MEGF9: variants seen among roughly 807,000 people sequenced by gnomAD.
MEGF9 encodes the protein multiple EGF like domains 9.
In MEGF9, 6 loss-of-function variants were observed where a neutral mutation model predicts 46.8. The ratio of observed to expected loss-of-function variants is 0.13; its 90% CI spans 0.07 to 0.25. The LOEUF (loss-of-function observed/expected upper bound fraction) is 0.25, where lower values mean the gene tolerates loss of function less well. Ranked by LOEUF, MEGF9 falls within the 10% of genes least tolerant of loss-of-function variation. MEGF9 has a pLI of 1.00. For missense variants in MEGF9, 683 were observed against 792.4 expected, an observed-to-expected ratio of 0.86 and a Z score of 1.66; for synonymous variants, 302 against 330.7, an observed-to-expected ratio of 0.91 and a Z score of 0.94.
In MEGF9 at chr9:120,612,493, T is replaced by G; in HGVS notation, c.990A>C (p.Glu330Asp). The G allele has an allele frequency of 1.2e-6, 2 of 1,612,444 alleles. No homozygotes were observed. The change falls in exon 4 of 6, where the codon GAA (glutamate) becomes GAC (aspartate). Residue 330 changes from glutamate (E) to aspartate (D), a missense_variant. Around this residue, in one of 2 missense-constraint regions of MEGF9, gnomAD observed 313 missense variants for 421.1 expected, o/e 0.74. Coordinates refer to ENST00000373930, the MANE Select transcript of MEGF9 (RefSeq NM_001080497.3). ...CQENSKGNHC[E>D]ECKEGFYQSP... ...TCTGATAAAATCCTTCTTTACATTC[T>G]TCACAGTGATTTCCTTTGCTATTTT...
At chr9:120,703,519 G>A (rs1414787222) in intron 1 of MEGF9, among the ~76,000 whole-genome samples, 2 of 152,212 alleles carry the variant, frequency 1.3e-5, no homozygotes, top group African/African-American at 2.4e-5. Flanking sequence ...AATCCTTATA[G>A]GTAATCAGGC....
chr9:120,714,125 C>T lies in MEGF9; in HGVS notation c.234G>A (p.Pro78=), dbSNP rs1426062058. The part of the protein sequence containing the change: ...PRATAPTAQA[P]RTGPPRATVH... ...CGGTGGCGCGCGGGGGCCCGGTCCTCGGGGCCTGGGCCGTGGGAGCCGTCG... is the reference window on the plus strand; with the variant it reads ...CGGTGGCGCGCGGGGGCCCGGTCCTTGGGGCCTGGGCCGTGGGAGCCGTCG... The change falls in exon 1 of 6, where the codon CCG becomes CCA. Residue 78 remains proline, a synonymous_variant. Transcript: ENST00000373930. 2 of 1,241,162 alleles carry T rather than the reference C, an allele frequency of 1.6e-6. No homozygotes were observed. The highest frequency in any genetic ancestry group is 3.1e-5 in the East Asian group (1 of 31,822). The allele number at this position is 1,241,162 out of a possible 1,614,324, so 76.9% of individuals were successfully genotyped here.
At chr9:120,647,576 A>C (rs2043631271) in intron 2 of MEGF9, among the ~76,000 whole-genome samples, 1 of 152,206 alleles carries the variant, frequency 6.6e-6, no homozygotes, top group Non-Finnish European at 1.5e-5. Flanking sequence ...AAGGCAATTT[A>C]AACTAGAGAT....
intron 1 of MEGF9, among the ~76,000 whole-genome samples, chr9:120,712,795 C>T (rs2043959636): frequency 6.6e-6 from 1 of 152,208 alleles, no homozygotes; most frequent in African/African-American, 2.4e-5. Flanking sequence ...CAAAGCAAGA[C>T]AATTCAGAAA....
chr9:120,668,225 C>A (rs1260297527), intron 1 of MEGF9, among the ~76,000 whole-genome samples: 1 of 152,114 alleles, frequency 6.6e-6, no homozygotes. Context: ...TTTTGAGAGT[C>A]TTACTCTAGA....
chr9:120,636,763 C>A (rs2043577639), intron 2 of MEGF9, among the ~76,000 whole-genome samples: 1 of 151,880 alleles, frequency 6.6e-6, no homozygotes, highest in African/African-American at 2.4e-5. Flanking sequence ...CCGGCCGCCC[C>A]ATCTGAGAAG....
At chr9:120,655,921 C>G (rs1342263802) in intron 2 of MEGF9, among the ~76,000 whole-genome samples, 1 of 152,194 alleles carries the variant, frequency 6.6e-6, no homozygotes, top group Admixed American at 6.5e-5. Context: ...ACAGACTTCT[C>G]ACACATTATT....
In MEGF9 at chr9:120,714,458, G is replaced by A. The variant is rs560965673; in HGVS notation, c.-100C>T. The A allele has an allele frequency of 7.6e-6, 8 of 1,051,944 alleles. No individual in the cohort carries two copies. Among genetic ancestry groups the A allele is most frequent in the Non-Finnish European group, 9.6e-6 (8 of 829,248 alleles). 65.2% of individuals were successfully genotyped at this position (1,051,944 alleles called of 1,614,324 possible). On this transcript the variant is annotated 5_prime_UTR_variant, in exon 1 of 6. Coordinates refer to ENST00000373930, the MANE Select transcript of MEGF9 (RefSeq NM_001080497.3). ...CGCCACCGCCACCGGGCGCACCATCGCCACCTCCCTCTGACAGGCGGCCGG... is the reference window on the plus strand; with the variant it reads ...CGCCACCGCCACCGGGCGCACCATCACCACCTCCCTCTGACAGGCGGCCGG...
intron 3 of MEGF9, among the ~76,000 whole-genome samples, chr9:120,622,118 C>A (rs758392363): frequency 5.9e-5 from 9 of 152,164 alleles, no homozygotes; most frequent in Non-Finnish European, 4.4e-5. Context: ...ACCTTTCTGG[C>A]CCAGCCTTCC....
At chr9:120,686,680 T>C (rs961179023) in intron 1 of MEGF9, among the ~76,000 whole-genome samples, 3 of 152,240 alleles carry the variant, frequency 2.0e-5, no homozygotes, top group Admixed American at 6.5e-5. Context: ...TAACTGAAGC[T>C]AGGAGTAGTA....
intron 1 of MEGF9, among the ~76,000 whole-genome samples, chr9:120,663,532 C>A (rs1225125819): frequency 6.6e-6 from 1 of 152,076 alleles, no homozygotes; most frequent in African/African-American, 2.4e-5. Context: ...ATGAGAAGGA[C>A]CAAAGACAAG....
chr9:120,681,601 T>A (rs1188103430), intron 1 of MEGF9, among the ~76,000 whole-genome samples: 1 of 152,094 alleles, frequency 6.6e-6, no homozygotes, highest in Admixed American at 6.5e-5. Flanking sequence ...TTTGACTCTA[T>A]CAGGCCACTA....
intron 2 of MEGF9, among the ~76,000 whole-genome samples, chr9:120,636,484 T>C (rs918070752): frequency 6.6e-6 from 1 of 152,170 alleles, no homozygotes; most frequent in African/African-American, 2.4e-5. Context: ...AGAGTACTGC[T>C]TAAGTGCAAA....
chr9:120,637,715 C>T (rs2043584285), intron 2 of MEGF9, among the ~76,000 whole-genome samples: 1 of 127,518 alleles, frequency 7.8e-6, no homozygotes, highest in Admixed American at 1.0e-4. Context: ...TGCTTGAACC[C>T]GGGAGGCAGA....
rs2043418800 is a variant in MEGF9, at chr9:120,605,960, T to G, written c.1358-319A>C. ...CGGCCGAGGGTGGTGGATCACGAGG[T>G]CAGGAGTTCAAGACCAGCCTGGCCA... On this transcript the variant is annotated intron_variant, in intron 5 of 5. Coordinates refer to ENST00000373930, the MANE Select transcript of MEGF9 (RefSeq NM_001080497.3). This position sits in a 1 kb window ranked among gnomAD's most constrained non-coding sequence, Gnocchi z 4.0. Among the ~76,000 whole-genome samples the G allele has an allele frequency of 6.6e-6, 1 of 151,788 alleles. No individual in the cohort carries two copies. Among genetic ancestry groups the G allele is most frequent in the South Asian group, 2.1e-4 (1 of 4,796 alleles).
At chr9:120,632,768 TTCTG>T (rs1371772400) in intron 2 of MEGF9, among the ~76,000 whole-genome samples, 8 of 152,188 alleles carry the variant, frequency 5.3e-5, no homozygotes, top group South Asian at 2.1e-4. Context: ...GGTACGTTTC[TTCTG>T]TCTATTTTTT....
chr9:120,645,797 G>A (rs1348658141), intron 2 of MEGF9, among the ~76,000 whole-genome samples: 2 of 152,170 alleles, frequency 1.3e-5, no homozygotes, highest in African/African-American at 4.8e-5. Flanking sequence ...CTCTTAAAAG[G>A]TAAAGGGCCT....
At chr9:120,647,451 T>C (rs1350044604) in intron 2 of MEGF9, among the ~76,000 whole-genome samples, 4 of 152,202 alleles carry the variant, frequency 2.6e-5, no homozygotes, top group Non-Finnish European at 5.9e-5. Flanking sequence ...CAAGCATTTA[T>C]TGAATCAAAT....
At chr9:120,607,489 T>C (rs1167905916) in intron 5 of MEGF9, among the ~76,000 whole-genome samples, 1 of 151,724 alleles carries the variant, frequency 6.6e-6, no homozygotes, top group African/African-American at 2.4e-5. Context: ...AAAATAAAAA[T>C]AGATGAAGAG....
Sources: gnomAD v4.1 joint callset for allele counts (sites outside exome capture counted in the v4.1 genomes callset) on GRCh38, gnomAD v4.1.1 for gene constraint, gnomAD v4.1.1 regional missense constraint, Gnocchi (gnomAD v3.1) non-coding constraint, MANE v1.5 for transcripts, NCBI Gene and HGNC (gene_info 2026-07-23, HGNC 2026-07-21) for gene names.